C8B: variants seen among roughly 807,000 people sequenced by gnomAD.
C8B encodes complement component C8 beta chain.
Under a neutral mutation model 64.6 loss-of-function variants are expected in C8B, and 67 were observed. The observed-to-expected ratio is 1.04, with a 90% CI of 0.85 to 1.27. The LOEUF is 1.27. Ranked by LOEUF, C8B falls within the 50% of genes most tolerant of loss-of-function variation. The pLI is 0.00. For missense variants in C8B, 790 were observed against 725.2 expected (o/e 1.09, Z -1.03); for synonymous variants, 284 against 257.7 (o/e 1.10, Z -0.98).
At chr1:56,936,034 T>C (rs760417717) in intron 9 of C8B, among the ~76,000 whole-genome samples, 3 of 152,298 alleles carry the variant, frequency 2.0e-5, no homozygotes, top group East Asian at 1.9e-4. Flanking sequence ...TGTATTCAAC[T>C]CTTCTTCTGT....
intron 8 of C8B, among the ~76,000 whole-genome samples, chr1:56,943,286 G>A (rs1478198619): frequency 6.6e-6 from 1 of 152,156 alleles, no homozygotes; most frequent in East Asian, 1.9e-4. Context: ...GTGCGTACCA[G>A]ATAACTATGT....
At chr1:56,929,647 G>T (rs1382298614) in intron 11 of C8B, 89 bp from the exon 12 acceptor site, 5 of 1,272,964 alleles carry the variant, frequency 3.9e-6, no homozygotes, top group South Asian at 2.4e-5. Flanking sequence ...AAGCCAAAAG[G>T]CTTTGGGAGT....
intron 5 of C8B, 39 bp downstream of exon 5, chr1:56,952,009 A>T: frequency 6.2e-7 from 1 of 1,612,534 alleles, no homozygotes; most frequent in African/African-American, 1.3e-5. Flanking sequence ...CTGGGTGCTC[A>T]GCTGGGGCTC....
intron 1 of C8B, 28 bp from the exon 2 acceptor site, chr1:56,960,204 C>G (rs753879785): frequency 6.2e-7 from 1 of 1,607,670 alleles, no homozygotes. Flanking sequence ...AGAAGAGAGT[C>G]ACGTATCAGA....
At chr1:56,946,084 A>G in intron 6 of C8B, 23 bp from the exon 7 acceptor site, 1 of 1,613,672 alleles carries the variant, frequency 6.2e-7, no homozygotes, top group Non-Finnish European at 8.5e-7. Context: ...CCAACATGGG[A>G]AAACCAGACC....
intron 8 of C8B, among the ~76,000 whole-genome samples, chr1:56,941,509 C>CATAG (rs200918831): frequency 0.11 from 9,844 of 86,668 alleles, 424 homozygotes; most frequent in East Asian, 0.27. Flanking sequence ...TAGATAGATA[C>CATAG]ATAGATAGAT....
At chr1:56,956,518 A>G (rs1002088380) in intron 3 of C8B, among the ~76,000 whole-genome samples, 4 of 152,246 alleles carry the variant, frequency 2.6e-5, no homozygotes, top group African/African-American at 4.8e-5. Flanking sequence ...CTTACCTGCT[A>G]TATGAAGAAG....
intron 4 of C8B, among the ~76,000 whole-genome samples, chr1:56,953,241 A>G (rs563759896): frequency 2.6e-5 from 4 of 152,312 alleles, no homozygotes; most frequent in South Asian, 2.1e-4. Flanking sequence ...TCTGTCTCCT[A>G]TCAGCTTCCA....
intron 1 of C8B, chr1:56,963,927 G>A (rs899107015): frequency 1.0e-6 from 1 of 985,318 alleles, no homozygotes; most frequent in Middle Eastern, 5.2e-4. Flanking sequence ...CAATACGAAG[G>A]TGGTCTCAGC....
At position 56,945,869 on chromosome 1, in the gene C8B, TG is replaced by T; in HGVS notation, c.1056del (p.Ile353PhefsTer8). 6.2e-7 allele frequency: 1 copy of T among 1,614,142 alleles called. No individual in the cohort carries two copies. The highest frequency in any genetic ancestry group is 8.5e-7 in the Non-Finnish European group (1 of 1,180,006). ...THYITEAVLGGIYEYTLVMNK... is the reference protein window; with the variant it reads ...THYITEAVLGXIYEYTLVMNK... ...TTCATAACGAGGGTGTATTCATAAA[TG>T]CCCCCAAGCACAGCCTCTGTGATGT... On this transcript the variant is annotated frameshift_variant, in exon 7 of 12. Coordinates refer to ENST00000371237, the MANE Select transcript of C8B (RefSeq NM_000066.4). LOFTEE classifies it high-confidence loss of function.
chr1:56,931,305 TA>T, intron 11 of C8B, among the ~76,000 whole-genome samples: 1 of 152,194 alleles, frequency 6.6e-6, no homozygotes, highest in Admixed American at 6.5e-5. Context: ...GACACAGAGG[TA>T]AATGGGACAT....
intron 7 of C8B, among the ~76,000 whole-genome samples, chr1:56,944,472 A>C (rs656598): frequency 0.9 from 136,934 of 152,160 alleles, 61,867 homozygotes; most frequent in East Asian, 1. Context: ...GGCTGTCTAG[A>C]AATGTTGGTA....
intron 6 of C8B, among the ~76,000 whole-genome samples, chr1:56,948,592 C>T (rs1052975657): frequency 6.6e-6 from 1 of 152,080 alleles, no homozygotes; most frequent in African/African-American, 2.4e-5. Context: ...TAGCTTGTCC[C>T]TGTAAAAGAG....
chr1:56,965,872 C>T lies in C8B; in HGVS notation c.77G>A (p.Ser26Asn), dbSNP rs1441316666. Residue 26 changes from serine (S) to asparagine (N), a missense_variant, in exon 1 of 12, where the codon AGT becomes AAT. Ser to Asn is a conservative substitution (Grantham distance 46). Coordinates refer to ENST00000371237, the MANE Select transcript of C8B (RefSeq NM_000066.4). ...TGTCACTTACCTGGAGCCAGGCAAA[C>T]TGAGACAGCCCAGGGCAGCACAGAG... The part of the protein sequence containing the change: ...FLLCAALGCL[S>N]LPGSRGERPH... 2.5e-6 allele frequency: 4 copies of T among 1,614,052 alleles called. No homozygotes were observed. The African/African-American group carries it at 4.0e-5, about 16-fold the overall frequency.
chr1:56,935,678 G>A (rs1394503723), intron 9 of C8B, among the ~76,000 whole-genome samples: 2 of 152,210 alleles, frequency 1.3e-5, no homozygotes, highest in African/African-American at 2.4e-5. Context: ...AATCTTATGA[G>A]TTCGTTAGTC....
At chr1:56,960,805 C>T (rs1645168991) in intron 1 of C8B, among the ~76,000 whole-genome samples, 1 of 151,806 alleles carries the variant, frequency 6.6e-6, no homozygotes. Flanking sequence ...AGTGTGTGGG[C>T]GGTGGGAAAC....
chr1:56,957,032 G>A (rs1645114183), intron 2 of C8B, 122 bp from the exon 3 acceptor site: 3 of 989,624 alleles, frequency 3.0e-6, no homozygotes, highest in African/African-American at 1.6e-5. Flanking sequence ...TGAAATGTCT[G>A]ATCATCATTC....
chr1:56,961,445 G>A (rs1033027443), intron 1 of C8B, among the ~76,000 whole-genome samples: 1 of 152,192 alleles, frequency 6.6e-6, no homozygotes, highest in South Asian at 2.1e-4. Flanking sequence ...GGCCCAGAGA[G>A]ACAGGGACAC....
rs541545386 is a variant in C8B at position 56,941,910 on chromosome 1, T to G, written c.1235-898A>C. On this transcript the variant is annotated intron_variant, in intron 8 of 11. Coordinates refer to ENST00000371237, the MANE Select transcript of C8B (RefSeq NM_000066.4). ...CCTACACACCTTGACCAGGCATGAGTCCATCTCTGACTTTGTCTAGCCTTG... is the reference window on the plus strand; with the variant it reads ...CCTACACACCTTGACCAGGCATGAGGCCATCTCTGACTTTGTCTAGCCTTG... 9.2e-5 allele frequency among the ~76,000 whole-genome samples: 14 copies of G among 152,328 alleles called. No homozygotes were observed. The South Asian group carries it at 2.7e-3, about 29-fold the overall frequency.
Sources: gnomAD v4.1 joint callset for allele counts (sites outside exome capture counted in the v4.1 genomes callset) on GRCh38, gnomAD v4.1.1 for gene constraint, MANE v1.5 for transcripts, NCBI Gene and HGNC (gene_info 2026-07-23, HGNC 2026-07-21) for gene names.